The following PBX1 variants were observed in gnomAD, a reference collection of about 807,000 sequenced individuals.
PBX1 encodes PBX homeobox 1.
PBX1 carries 6 observed loss-of-function variants against 53.4 expected under a neutral mutation model. The observed-to-expected ratio is 0.11, with a 90% CI of 0.06 to 0.22. The LOEUF is 0.22. Ranked by LOEUF, PBX1 falls within the 10% of genes least tolerant of loss-of-function variation. The pLI, the probability that PBX1 is intolerant of heterozygous loss-of-function variation, is 1.00. For synonymous variants in PBX1, 204 were observed against 212.3 expected (o/e 0.96, Z 0.34); for missense variants, 251 against 551.4 (o/e 0.46, Z 5.46).
chr1:164,630,340 GA>G (rs1430592363), intron 2 of PBX1, among the ~76,000 whole-genome samples: 2 of 152,096 alleles, frequency 1.3e-5, no homozygotes, highest in Non-Finnish European at 2.9e-5. Context: ...GGGATTTTAG[GA>G]GACAGATAAT....
chr1:164,786,534 T>C (rs1023694897), intron 2 of PBX1, among the ~76,000 whole-genome samples: 2 of 152,084 alleles, frequency 1.3e-5, no homozygotes, highest in Admixed American at 6.5e-5. Flanking sequence ...CTAACCATGA[T>C]GGTGGAAAGA....
intron 2 of PBX1, among the ~76,000 whole-genome samples, chr1:164,764,920 C>G (rs575724627): frequency 1.4e-4 from 22 of 152,158 alleles, no homozygotes; most frequent in South Asian, 1.2e-3. Flanking sequence ...TAATTTAAGA[C>G]TTTGGTTTGG....
intron 2 of PBX1, among the ~76,000 whole-genome samples, chr1:164,709,621 G>C (rs921868891): frequency 1.3e-5 from 2 of 151,922 alleles, no homozygotes; most frequent in African/African-American, 4.8e-5. Context: ...GCATAGGTCT[G>C]CTGGCCAGTC....
intron 2 of PBX1, among the ~76,000 whole-genome samples, chr1:164,873,030 A>C (rs1672419566): frequency 6.6e-6 from 1 of 152,228 alleles, no homozygotes; most frequent in Non-Finnish European, 1.5e-5. Flanking sequence ...AGCTCTACAA[A>C]GAATGTGTTA....
At chr1:164,565,422 G>GACACAC (rs36118857) in intron 2 of PBX1, among the ~76,000 whole-genome samples, 2,559 of 145,970 alleles carry the variant, frequency 0.018, 57 homozygotes, top group African/African-American at 0.053. Flanking sequence ...TGTGTTAAGG[G>GACACAC]ACACACACAC....
At chr1:164,741,978 A>T (rs1269421912) in intron 2 of PBX1, among the ~76,000 whole-genome samples, 1 of 152,020 alleles carries the variant, frequency 6.6e-6, no homozygotes, top group Admixed American at 6.6e-5. Context: ...ATATAAATTT[A>T]TGGGCAAAAA....
At chr1:164,667,378 A>C (rs1267528885) in intron 2 of PBX1, among the ~76,000 whole-genome samples, 1 of 147,660 alleles carries the variant, frequency 6.8e-6, no homozygotes, top group South Asian at 2.2e-4. Flanking sequence ...AATATAATGT[A>C]TATAACATGT....
intron 2 of PBX1, among the ~76,000 whole-genome samples, chr1:164,592,299 A>T (rs780048657): frequency 2.0e-5 from 3 of 152,190 alleles, no homozygotes; most frequent in Non-Finnish European, 2.9e-5. Flanking sequence ...GGAAATAGAA[A>T]CACTTAGCTT....
chr1:164,755,606 A>C (rs77111217), intron 2 of PBX1, among the ~76,000 whole-genome samples: 11,324 of 152,122 alleles, frequency 0.074, 436 homozygotes, highest in South Asian at 0.12. Flanking sequence ...GATAATAAGT[A>C]GAAGCCTGAC....
intron 2 of PBX1, among the ~76,000 whole-genome samples, chr1:164,651,446 T>A (rs1047440736): frequency 6.6e-6 from 1 of 152,038 alleles, no homozygotes; most frequent in African/African-American, 2.4e-5. Flanking sequence ...CCGATGTCAT[T>A]AACGCACAGA....
chr1:164,677,314 G>C (rs531180268), intron 2 of PBX1, among the ~76,000 whole-genome samples: 3 of 150,554 alleles, frequency 2.0e-5, no homozygotes, highest in African/African-American at 7.3e-5. Context: ...GGATGGTCTC[G>C]ATCTCCTGAC....
chr1:164,614,272 A>G (rs967440689), intron 2 of PBX1, among the ~76,000 whole-genome samples: 3 of 152,186 alleles, frequency 2.0e-5, no homozygotes, highest in Admixed American at 6.5e-5. Flanking sequence ...AGAGTGATGC[A>G]AAGTGTGGTT....
intron 2 of PBX1, among the ~76,000 whole-genome samples, chr1:164,565,833 A>G (rs1653399448): frequency 6.8e-6 from 1 of 146,792 alleles, no homozygotes; most frequent in Non-Finnish European, 1.5e-5. Context: ...ACATTCCTTT[A>G]TTGTTTGGGG....
intron 2 of PBX1, among the ~76,000 whole-genome samples, chr1:164,687,583 A>AAG (rs1662188796): frequency 2.1e-5 from 3 of 142,720 alleles, no homozygotes; most frequent in Admixed American, 7.2e-5. Context: ...AAAAAAAAAA[A>AAG]GGAAATAGTT....
chr1:164,623,867 T>A (rs1407200649), intron 2 of PBX1, among the ~76,000 whole-genome samples: 1 of 152,216 alleles, frequency 6.6e-6, no homozygotes, highest in African/African-American at 2.4e-5. Flanking sequence ...TATATAACTA[T>A]ATGCAATTTG....
chr1:164,832,084 C>T (rs1172931747), intron 8 of PBX1, among the ~76,000 whole-genome samples: 5 of 152,196 alleles, frequency 3.3e-5, no homozygotes, highest in Non-Finnish European at 5.9e-5. Context: ...GATTACCTCA[C>T]TATTACATTT....
intron 8 of PBX1, among the ~76,000 whole-genome samples, chr1:164,844,612 A>G (rs1033784721): frequency 6.6e-6 from 1 of 152,192 alleles, no homozygotes; most frequent in Non-Finnish European, 1.5e-5. Flanking sequence ...AGCGATAAGT[A>G]TATCTTATTT....
intron 2 of PBX1, among the ~76,000 whole-genome samples, chr1:164,639,403 C>T (rs1226297231): frequency 6.6e-6 from 1 of 152,102 alleles, no homozygotes; most frequent in Non-Finnish European, 1.5e-5. Context: ...TGCTGGGTGC[C>T]TGGATGGTAT....
chr1:164,793,604 C>G (rs1449852686), intron 3 of PBX1, among the ~76,000 whole-genome samples: 1 of 152,166 alleles, frequency 6.6e-6, no homozygotes, highest in Non-Finnish European at 1.5e-5. Flanking sequence ...CCATCCCATC[C>G]TCCCCACAAC....
Sources: allele counts gnomAD v4.1 joint callset (sites outside exome capture counted in the v4.1 genomes callset), GRCh38; gene constraint gnomAD v4.1.1; transcripts MANE v1.5; gene names NCBI Gene and HGNC (gene_info 2026-07-23, HGNC 2026-07-21).